EFNA5: variants seen among roughly 807,000 people sequenced by gnomAD.
The protein encoded by EFNA5 is ephrin A5.
A neutral mutation model predicts 22.9 loss-of-function variants in EFNA5; 5 were observed. That is an observed-to-expected ratio of 0.22 (90% CI 0.11 to 0.46). The LOEUF is 0.46. EFNA5 is among the 20% of genes least tolerant of loss of function. EFNA5 has a pLI of 0.99. For missense variants in EFNA5, 237 were observed against 293.3 expected (o/e 0.81, Z 1.40); for synonymous variants, 113 against 112.2 (o/e 1.01, Z -0.04).
chr5:107,613,700 T>C (rs1351424698), intron 1 of EFNA5, among the ~76,000 whole-genome samples: 1 of 152,102 alleles, frequency 6.6e-6, no homozygotes, highest in Non-Finnish European at 1.5e-5. Context: ...AATCACTAAG[T>C]AATTTCAAAT....
At chr5:107,536,716 T>C (rs568434315) in intron 1 of EFNA5, among the ~76,000 whole-genome samples, 1 of 152,308 alleles carries the variant, frequency 6.6e-6, no homozygotes, top group African/African-American at 2.4e-5. Context: ...TCAAAAAATA[T>C]GTTTTGGCAC....
intron 1 of EFNA5, among the ~76,000 whole-genome samples, chr5:107,468,309 C>T (rs76195760): frequency 0.06 from 9,177 of 152,148 alleles, 336 homozygotes; most frequent in East Asian, 0.15. Flanking sequence ...AAATAGTCAC[C>T]CTTAGGCAGG....
rs1747975895 is a variant in EFNA5 at position 107,538,628 on chromosome 5, A to G, written c.126-111119T>C. ...TGAGTAAAATGTATTCAGTAAACTC[A>G]TCTGACAGTTTGTGTAGTATCTACT... is the stretch of plus-strand genomic sequence containing the variant. On this transcript the variant is annotated intron_variant, in intron 1 of 4. Transcript: ENST00000333274. Among the ~76,000 whole-genome samples, 3 of 152,214 alleles carry G rather than the reference A, an allele frequency of 2.0e-5. No individual in the cohort carries two copies. The South Asian group carries it at 6.2e-4, about 31-fold the overall frequency.
Position 107,546,651 on chromosome 5 carries a change from A to AACATACACAC in EFNA5, c.126-119143_126-119142insGTGTGTATGT, listed in dbSNP as rs1554065956. ...AGTTGAAGGTTTTTCTGGTGCGTAA[A>AACATACACAC]ACACACACACACACACACACACACA... On this transcript the variant is annotated intron_variant, in intron 1 of 4. Coordinates refer to ENST00000333274, the MANE Select transcript of EFNA5 (RefSeq NM_001962.3). 5.8e-3 allele frequency among the ~76,000 whole-genome samples: 700 copies of AACATACACAC among 121,312 alleles called. 4 individuals carry two copies. The highest frequency in any genetic ancestry group is 7.3e-3 in the African/African-American group (232 of 31,604). 79.6% of individuals were successfully genotyped at this position (121,312 alleles called of 152,430 possible). A position where few individuals can be genotyped will look rare whatever the true frequency, so the allele number is the denominator to read the frequency against.
chr5:107,555,544 G>A (rs1245937205), intron 1 of EFNA5, among the ~76,000 whole-genome samples: 2 of 152,162 alleles, frequency 1.3e-5, no homozygotes, highest in Non-Finnish European at 2.9e-5. Context: ...ATCTGAAACT[G>A]AATGTTAAAC....
chr5:107,581,353 T>C (rs1749070348), intron 1 of EFNA5, among the ~76,000 whole-genome samples: 2 of 152,202 alleles, frequency 1.3e-5, no homozygotes, highest in Admixed American at 6.5e-5. Context: ...GATTATTCAT[T>C]ATCATGGTCC....
chr5:107,596,622 A>G (rs1248159403), intron 1 of EFNA5, among the ~76,000 whole-genome samples: 1 of 152,112 alleles, frequency 6.6e-6, no homozygotes, highest in African/African-American at 2.4e-5. Context: ...TTTTAAAAGT[A>G]ATTTATTAAT....
intron 1 of EFNA5, among the ~76,000 whole-genome samples, chr5:107,664,470 T>G (rs541894977): frequency 6.6e-6 from 1 of 152,194 alleles, no homozygotes; most frequent in South Asian, 2.1e-4. Context: ...ACAAAACAGC[T>G]CAGGACATAG....
At chr5:107,461,034 C>T (rs1168778318) in intron 1 of EFNA5, among the ~76,000 whole-genome samples, 1 of 152,082 alleles carries the variant, frequency 6.6e-6, no homozygotes, top group East Asian at 1.9e-4. Context: ...ATCTCTGAAA[C>T]TTGCCCTGTA....
chr5:107,536,701 G>A (rs1292294317), intron 1 of EFNA5, among the ~76,000 whole-genome samples: 1 of 152,062 alleles, frequency 6.6e-6, no homozygotes, highest in Non-Finnish European at 1.5e-5. Flanking sequence ...CTGCCAACAT[G>A]GCAATCAAAA....
intron 1 of EFNA5, among the ~76,000 whole-genome samples, chr5:107,618,404 A>C (rs1749967471): frequency 6.6e-6 from 1 of 152,200 alleles, no homozygotes; most frequent in Non-Finnish European, 1.5e-5. Flanking sequence ...CAGCACTTGA[A>C]AACAGTGATT....
chr5:107,516,933 A>G (rs1017876206), intron 1 of EFNA5, among the ~76,000 whole-genome samples: 5 of 152,212 alleles, frequency 3.3e-5, no homozygotes, highest in African/African-American at 1.2e-4. Flanking sequence ...AAATGTCCCA[A>G]AAAGGCAAGT....
chr5:107,592,314 C>A (rs1250541147), intron 1 of EFNA5, among the ~76,000 whole-genome samples: 1 of 151,158 alleles, frequency 6.6e-6, no homozygotes, highest in East Asian at 2.0e-4. Flanking sequence ...TTCAATTATA[C>A]CAATGATCAA....
chr5:107,537,606 A>G (rs1384026458), intron 1 of EFNA5, among the ~76,000 whole-genome samples: 2 of 152,204 alleles, frequency 1.3e-5, no homozygotes, highest in Non-Finnish European at 2.9e-5. Context: ...TCTCAAAAAC[A>G]AAAACAAAAA....
chr5:107,631,289 A>T (rs1347304920), intron 1 of EFNA5, among the ~76,000 whole-genome samples: 21 of 139,464 alleles, frequency 1.5e-4, no homozygotes, highest in African/African-American at 2.6e-4. Context: ...ACACACACAC[A>T]CTCTCTGTCT....
intron 1 of EFNA5, among the ~76,000 whole-genome samples, chr5:107,664,930 C>T (rs1013194946): frequency 1.3e-5 from 2 of 152,064 alleles, no homozygotes; most frequent in African/African-American, 2.4e-5. Context: ...TTATTGCTAC[C>T]GAAGTTATTC....
chr5:107,572,162 G>T (rs1370250090), intron 1 of EFNA5, among the ~76,000 whole-genome samples: 1 of 151,998 alleles, frequency 6.6e-6, no homozygotes, highest in East Asian at 1.9e-4. Context: ...CTCTGGCACC[G>T]AGAAACCTGT....
chr5:107,499,258 C>T (rs1359860422), intron 1 of EFNA5, among the ~76,000 whole-genome samples: 1 of 152,262 alleles, frequency 6.6e-6, no homozygotes, highest in East Asian at 1.9e-4. Context: ...AATAAACCTG[C>T]CCTGATATGG....
At chr5:107,590,522 G>A (rs1749297945) in intron 1 of EFNA5, among the ~76,000 whole-genome samples, 1 of 151,870 alleles carries the variant, frequency 6.6e-6, no homozygotes. Context: ...CCAAGTAACT[G>A]GGACTAAAGG....
Sources: allele counts gnomAD v4.1 joint callset (sites outside exome capture counted in the v4.1 genomes callset), GRCh38; gene constraint gnomAD v4.1.1; transcripts MANE v1.5; gene names NCBI Gene and HGNC (gene_info 2026-07-23, HGNC 2026-07-21).